ASTN2: variants seen among roughly 807,000 people sequenced by gnomAD.
The protein encoded by ASTN2 is astrotactin-2.
In ASTN2, 54 loss-of-function variants were observed where a neutral mutation model predicts 139.8. The ratio of observed to expected loss-of-function variants is 0.39; its 90% confidence interval spans 0.31 to 0.48. The LOEUF is 0.48. Among genes scored for constraint, ASTN2 ranks in the 20% least tolerant of loss-of-function variants. The probability of loss-of-function intolerance (pLI) is 0.95; values close to 1 mark genes in which losing one functional copy is unlikely to be tolerated. For missense variants in ASTN2, 1,565 were observed against 1,725.1 expected (o/e 0.91, Z 1.64); for synonymous variants, 756 against 719.5 (o/e 1.05, Z -0.81).
intron 10 of ASTN2, among the ~76,000 whole-genome samples, chr9:116,894,371 A>G (rs1313753900): frequency 6.6e-6 from 1 of 152,242 alleles, no homozygotes; most frequent in Non-Finnish European, 1.5e-5. Context: ...AAAAATAGCC[A>G]AATGACAGTT....
At chr9:116,665,550 T>C (rs1858811559) in intron 16 of ASTN2, among the ~76,000 whole-genome samples, 1 of 152,188 alleles carries the variant, frequency 6.6e-6, no homozygotes, top group Admixed American at 6.5e-5. Flanking sequence ...GCCCAGACTC[T>C]GGTTTCTAAA....
Position 116,579,432 on chromosome 9 carries a change from A to G in ASTN2, c.3355+38892T>C, listed in dbSNP as rs540969721. Among the ~76,000 whole-genome samples the G allele has an allele frequency of 2.6e-5, 4 of 152,350 alleles. No homozygotes were observed. The South Asian group carries it at 6.2e-4, about 24-fold the overall frequency. On this transcript the variant is annotated intron_variant, in intron 19 of 22. Transcript: ENST00000313400. Reference sequence around the variant, plus strand: ...TGAGAAGGTAACGGATACAACCATTATCAGGGTATAATGTGAGAAGCAGAG... The same window carrying G: ...TGAGAAGGTAACGGATACAACCATTGTCAGGGTATAATGTGAGAAGCAGAG...
chr9:116,513,768 A>AC (rs1275394624), intron 19 of ASTN2, among the ~76,000 whole-genome samples: 1 of 151,988 alleles, frequency 6.6e-6, no homozygotes, highest in Non-Finnish European at 1.5e-5. Flanking sequence ...AATCACTGAT[A>AC]CCCTTTCTTC....
chr9:116,686,854 G>T, intron 16 of ASTN2: 2 of 1,548,348 alleles, frequency 1.3e-6, no homozygotes, highest in Non-Finnish European at 1.7e-6. Context: ...CAGAACATGA[G>T]GCCAAAGCAC....
chr9:117,241,202 G>A (rs113108166), intron 2 of ASTN2, among the ~76,000 whole-genome samples: 8 of 152,266 alleles, frequency 5.3e-5, no homozygotes, highest in South Asian at 4.2e-4. Flanking sequence ...GTAGCTCCTC[G>A]GAGTCGGCAT....
At chr9:117,162,013 A>T (rs1433412746) in intron 3 of ASTN2, among the ~76,000 whole-genome samples, 1 of 152,060 alleles carries the variant, frequency 6.6e-6, no homozygotes, top group African/African-American at 2.4e-5. Flanking sequence ...TGCATAATTT[A>T]ACTTTGTAGC....
At chr9:116,864,070 G>C (rs573408686) in intron 10 of ASTN2, among the ~76,000 whole-genome samples, 1 of 152,300 alleles carries the variant, frequency 6.6e-6, no homozygotes, top group Non-Finnish European at 1.5e-5. Context: ...CTTACAATGT[G>C]ACCGAAGTGA....
chr9:117,173,875 A>T (rs1413361707), intron 3 of ASTN2, among the ~76,000 whole-genome samples: 1 of 151,946 alleles, frequency 6.6e-6, no homozygotes, highest in East Asian at 1.9e-4. Flanking sequence ...GAGAAATAAT[A>T]TAGAATATCA....
chr9:116,637,122 G>T (rs10114569), intron 17 of ASTN2, among the ~76,000 whole-genome samples: 115,573 of 152,046 alleles, frequency 0.76, 44,356 homozygotes, highest in East Asian at 0.86. Flanking sequence ...ATAAAATTCC[G>T]TATAAATTAC....
chr9:117,146,157 C>T (rs1324349191), intron 3 of ASTN2, among the ~76,000 whole-genome samples: 1 of 152,118 alleles, frequency 6.6e-6, no homozygotes, highest in Non-Finnish European at 1.5e-5. Context: ...CATTCAGCAG[C>T]TCTATCGATA....
intron 12 of ASTN2, among the ~76,000 whole-genome samples, chr9:116,813,666 G>T (rs1317847623): frequency 6.6e-6 from 1 of 151,986 alleles, no homozygotes; most frequent in African/African-American, 2.4e-5. Context: ...TCAATGGTTT[G>T]TGGAATCAAC....
At chr9:117,338,112 C>T (rs755344962) in intron 1 of ASTN2, among the ~76,000 whole-genome samples, 2 of 152,196 alleles carry the variant, frequency 1.3e-5, no homozygotes, top group Non-Finnish European at 2.9e-5. Context: ...CTCATCCTCA[C>T]GGACATATGG....
chr9:117,094,832 C>A (rs1057074276), intron 5 of ASTN2, among the ~76,000 whole-genome samples: 1 of 152,156 alleles, frequency 6.6e-6, no homozygotes, highest in African/African-American at 2.4e-5. Flanking sequence ...CATAGCTTAA[C>A]CAAAATTCAT....
rs1857747031 is a variant in ASTN2 at position 116,648,875 on chromosome 9, A to G, written c.3072+2653T>C. On this transcript the variant is annotated intron_variant, in intron 17 of 22. Coordinates refer to ENST00000313400, the MANE Select transcript of ASTN2 (RefSeq NM_001365068.1). ...ATGTTGAAACCTTGTCTCTACTAAAAATACAAAAATTAGCCAGGCATGGTG... is the reference window on the plus strand; with the variant it reads ...ATGTTGAAACCTTGTCTCTACTAAAGATACAAAAATTAGCCAGGCATGGTG... Among the ~76,000 whole-genome samples the G allele has an allele frequency of 3.3e-5, 5 of 152,180 alleles. No individual in the cohort carries two copies. The South Asian group carries it at 8.3e-4, about 25-fold the overall frequency.
chr9:116,780,842 T>TC (rs1168443810), intron 13 of ASTN2, among the ~76,000 whole-genome samples: 7 of 47,664 alleles, frequency 1.5e-4, no homozygotes, highest in Non-Finnish European at 3.3e-4. Context: ...AATGTCAAAT[T>TC]CTTTTTTTTT....
intron 2 of ASTN2, among the ~76,000 whole-genome samples, chr9:117,256,227 C>T (rs1833682494): frequency 6.6e-6 from 1 of 152,120 alleles, no homozygotes; most frequent in Admixed American, 6.6e-5. Context: ...CTTCCTCCTC[C>T]TATGCTTTCC....
chr9:116,774,657 G>C (rs1204254258), intron 13 of ASTN2, among the ~76,000 whole-genome samples: 4 of 151,540 alleles, frequency 2.6e-5, no homozygotes, highest in African/African-American at 4.9e-5. Context: ...TCGAGAGCCT[G>C]GCTCTTAGTC....
At position 117,214,359 on chromosome 9, in the gene ASTN2, T is replaced by C; in HGVS notation, c.1014A>G (p.Lys338=). Residue 338 remains lysine (K), a splice_region_variant and synonymous_variant, in exon 3 of 23, where the codon AAA becomes AAG. Transcript: ENST00000313400. ...TGGGCTGTGACATGGAGGACTCACC[T>C]TTCTTCTCAAAGTCCACCTTCTCTT... ...PGEEKVDFEK[K]AAAEATQETV... 3.8e-6 allele frequency: 6 copies of C among 1,582,520 alleles called. No individual in the cohort carries two copies. The highest frequency in any genetic ancestry group is 5.2e-6 in the Non-Finnish European group (6 of 1,155,982).
At chr9:117,412,343 G>C (rs1270936803) in intron 1 of ASTN2, among the ~76,000 whole-genome samples, 1 of 152,098 alleles carries the variant, frequency 6.6e-6, no homozygotes, top group African/African-American at 2.4e-5. Flanking sequence ...AAGCTGCCAG[G>C]CTCAGGGACC....
Sources: allele counts gnomAD v4.1 joint callset (sites outside exome capture counted in the v4.1 genomes callset), GRCh38; gene constraint gnomAD v4.1.1; transcripts MANE v1.5; gene names NCBI Gene and HGNC (gene_info 2026-07-23, HGNC 2026-07-21).